Variants in HDGFL3 observed in about 807,000 individuals in gnomAD.
HDGFL3 encodes hepatoma-derived growth factor-related protein 3.
Under a neutral mutation model 27.6 loss-of-function variants are expected in HDGFL3, and 6 were observed. The observed-to-expected ratio is 0.22, with a 90% CI of 0.12 to 0.43. HDGFL3 has a LOEUF of 0.43. Among genes scored for constraint, HDGFL3 ranks in the 20% least tolerant of loss-of-function variants. The pLI is 1.00. For missense variants in HDGFL3, 207 were observed against 250.1 expected (o/e 0.83, Z 1.16); for synonymous variants, 88 against 88.9 (o/e 0.99, Z 0.05).
intron 1 of HDGFL3, among the ~76,000 whole-genome samples, chr15:83,190,314 G>C (rs982576265): frequency 1.3e-5 from 2 of 151,734 alleles, no homozygotes; most frequent in Non-Finnish European, 2.9e-5. Flanking sequence ...TATTTCTCTA[G>C]AGTGTACAAC....
At chr15:83,115,903 T>C in intron 3 of HDGFL3, 2 of 1,614,186 alleles carry the variant, frequency 1.2e-6, no homozygotes, top group Non-Finnish European at 1.7e-6. Flanking sequence ...TGGAGCAAGA[T>C]GGAATCATTG....
At chr15:83,153,892 C>T (rs922180480) in intron 4 of HDGFL3, among the ~76,000 whole-genome samples, 1 of 152,016 alleles carries the variant, frequency 6.6e-6, no homozygotes, top group Non-Finnish European at 1.5e-5. Flanking sequence ...CCTTAGAAAA[C>T]TGAAATTAGG....
At chr15:83,205,075 G>C (rs573573568) in intron 1 of HDGFL3, among the ~76,000 whole-genome samples, 13 of 152,290 alleles carry the variant, frequency 8.5e-5, no homozygotes, top group Admixed American at 7.8e-4. Flanking sequence ...CCACATGAAT[G>C]GCCTTCGTAT....
At chr15:83,197,329 ATG>A (rs1445447320) in intron 1 of HDGFL3, among the ~76,000 whole-genome samples, 3 of 152,214 alleles carry the variant, frequency 2.0e-5, no homozygotes, top group African/African-American at 7.2e-5. Flanking sequence ...TACATATTTT[ATG>A]TGAGTCAGTG....
chr15:83,141,397 A>T (rs1315708518), intron 5 of HDGFL3, among the ~76,000 whole-genome samples: 2 of 152,230 alleles, frequency 1.3e-5, no homozygotes, highest in Non-Finnish European at 2.9e-5. Context: ...CTTTTCAAGG[A>T]GTACCATTTT....
chr15:83,186,631 T>TA (rs1343027174), intron 1 of HDGFL3, among the ~76,000 whole-genome samples: 1 of 151,920 alleles, frequency 6.6e-6, no homozygotes, highest in African/African-American at 2.4e-5. Context: ...AACTCAAGAA[T>TA]AAAAAACCAA....
chr15:83,190,323 A>G (rs533609190), intron 1 of HDGFL3, among the ~76,000 whole-genome samples: 1 of 152,296 alleles, frequency 6.6e-6, no homozygotes, highest in South Asian at 2.1e-4. Flanking sequence ...AGAGTGTACA[A>G]CTAGGATTAG....
chr15:83,194,089 T>C (rs903508188), intron 1 of HDGFL3, among the ~76,000 whole-genome samples: 2 of 152,136 alleles, frequency 1.3e-5, no homozygotes, highest in East Asian at 1.9e-4. Flanking sequence ...AAGAACAGAA[T>C]GTAGGGTCTT....
intron 5 of HDGFL3, among the ~76,000 whole-genome samples, chr15:83,142,373 G>A (rs993853134): frequency 1.3e-5 from 2 of 151,476 alleles, no homozygotes; most frequent in African/African-American, 2.5e-5. Flanking sequence ...TGTCTTTTGT[G>A]GGAACATGCA....
chr15:83,192,592 C>T (rs2037524787), intron 1 of HDGFL3, among the ~76,000 whole-genome samples: 3 of 152,092 alleles, frequency 2.0e-5, no homozygotes, highest in African/African-American at 4.8e-5. Context: ...ACATAAATGT[C>T]CAGAAAAGAC....
Position 83,143,074 on chromosome 15 carries a change from G to A in HDGFL3, c.607-3799C>T, listed in dbSNP as rs145293003. On this transcript the variant is annotated intron_variant, in intron 5 of 5. Transcript: ENST00000299633. ...TCTGTCACCCAGGCTGGAGTACAGT[G>A]GCACAATCTCAGCTCACTGCAATCT... Among the ~76,000 whole-genome samples the A allele has an allele frequency of 5.7e-3, 867 of 152,022 alleles. 7 individuals are homozygous for A. Among genetic ancestry groups the A allele is most frequent in the African/African-American group, 0.019 (803 of 41,482 alleles).
intron 1 of HDGFL3, among the ~76,000 whole-genome samples, chr15:83,206,025 G>A (rs894782992): frequency 6.6e-6 from 1 of 152,196 alleles, no homozygotes; most frequent in African/African-American, 2.4e-5. Context: ...CAATGGATAT[G>A]CAGACAGTTG....
chr15:83,118,920 T>G (rs1336522688), intron 3 of HDGFL3, among the ~76,000 whole-genome samples: 2 of 152,168 alleles, frequency 1.3e-5, no homozygotes, highest in Non-Finnish European at 2.9e-5. Context: ...AGGAGAAGTA[T>G]GGCTCTTCTT....
intron 1 of HDGFL3, among the ~76,000 whole-genome samples, chr15:83,206,257 CTACAA>C (rs1196914634): frequency 3.3e-5 from 5 of 152,098 alleles, no homozygotes; most frequent in South Asian, 2.1e-4. Context: ...CTTCACTTGA[CTACAA>C]TACAACATTT....
intron 3 of HDGFL3, chr15:83,121,831 T>C (rs562466879): frequency 1.1e-6 from 1 of 944,772 alleles, no homozygotes; most frequent in East Asian, 2.4e-5. Context: ...TTTACTAGTT[T>C]GAATACAAAA....
At chr15:83,154,745 TGG>T (rs2037007886) in intron 4 of HDGFL3, among the ~76,000 whole-genome samples, 1 of 152,234 alleles carries the variant, frequency 6.6e-6, no homozygotes, top group Non-Finnish European at 1.5e-5. Context: ...CTATTCAATG[TGG>T]CAAGCTTGTC....
intron 3 of HDGFL3, among the ~76,000 whole-genome samples, chr15:83,117,612 T>C (rs1166192516): frequency 6.6e-6 from 1 of 151,242 alleles, no homozygotes; most frequent in East Asian, 2.0e-4. Context: ...GGAGGCTGAG[T>C]TGGCAAGGGT....
intron 1 of HDGFL3, among the ~76,000 whole-genome samples, chr15:83,205,578 A>C (rs924238004): frequency 6.6e-5 from 10 of 152,188 alleles, no homozygotes; most frequent in Non-Finnish European, 1.0e-4. Flanking sequence ...CATATTAATG[A>C]AATTTTAAGT....
downstream of HDGFL3, chr15:83,124,728 G>C (rs762870264): frequency 6.2e-7 from 1 of 1,614,052 alleles, no homozygotes; most frequent in Non-Finnish European, 8.5e-7. Flanking sequence ...ATTTAATGTT[G>C]GTTGTGTGTC....
Sources: gnomAD v4.1 joint callset for allele counts (sites outside exome capture counted in the v4.1 genomes callset) on GRCh38, gnomAD v4.1.1 for gene constraint, MANE v1.5 for transcripts, NCBI Gene and HGNC (gene_info 2026-07-23, HGNC 2026-07-21) for gene names.